MTBP: variants seen among roughly 807,000 people sequenced by gnomAD.
MTBP encodes MDM2 binding protein.
MTBP carries 101 observed loss-of-function variants against 117.0 expected under a neutral mutation model. The ratio of observed to expected loss-of-function variants is 0.86; its 90% CI spans 0.73 to 1.02. The LOEUF (loss-of-function observed/expected upper bound fraction) is 1.02. Among genes scored for constraint, MTBP ranks in the 50% least tolerant of loss-of-function variants. The pLI, the probability that MTBP is intolerant of heterozygous loss-of-function variation, is 0.00. For missense variants in MTBP, 970 were observed against 1,030.9 expected, an observed-to-expected ratio of 0.94 and a Z score of 0.81; for synonymous variants, 350 against 351.5, an observed-to-expected ratio of 1.00 and a Z score of 0.05.
intron 11 of MTBP, among the ~76,000 whole-genome samples, chr8:120,486,443 G>A (rs1392410973): frequency 6.6e-6 from 1 of 152,092 alleles, no homozygotes; most frequent in African/African-American, 2.4e-5. Flanking sequence ...CCCTGTGAAT[G>A]CGCTGAGGTG....
intron 10 of MTBP, among the ~76,000 whole-genome samples, chr8:120,464,194 A>G (rs934419037): frequency 6.6e-6 from 1 of 151,890 alleles, no homozygotes; most frequent in Non-Finnish European, 1.5e-5. Flanking sequence ...GGAGTTTTCA[A>G]TTTTTCTTTC....
intron 2 of MTBP, among the ~76,000 whole-genome samples, chr8:120,450,593 T>C (rs1021903918): frequency 3.9e-5 from 6 of 152,178 alleles, no homozygotes; most frequent in Non-Finnish European, 8.8e-5. Flanking sequence ...CCTCTGTCTC[T>C]AGTCAGGCTG....
chr8:120,468,429 T>TAAA (rs1239863556), intron 10 of MTBP, among the ~76,000 whole-genome samples: 1 of 152,038 alleles, frequency 6.6e-6, no homozygotes, highest in African/African-American at 2.4e-5. Flanking sequence ...TCCTGTAGTA[T>TAAA]AAAAATCCAT....
At chr8:120,517,070 G>C (rs1416063892) in intron 18 of MTBP, among the ~76,000 whole-genome samples, 1 of 151,924 alleles carries the variant, frequency 6.6e-6, no homozygotes, top group Non-Finnish European at 1.5e-5. Context: ...AAATATATGT[G>C]TTCCTAAAAG....
At chr8:120,493,990 G>A (rs1814402528) in intron 13 of MTBP, among the ~76,000 whole-genome samples, 1 of 152,122 alleles carries the variant, frequency 6.6e-6, no homozygotes, top group Non-Finnish European at 1.5e-5. Flanking sequence ...ATATATTACA[G>A]CTCTCATTTT....
chr8:120,495,202 A>G (rs1321094273), intron 13 of MTBP, among the ~76,000 whole-genome samples: 1 of 152,200 alleles, frequency 6.6e-6, no homozygotes, highest in African/African-American at 2.4e-5. Flanking sequence ...TTACTTCACT[A>G]ATAAAATTCT....
chr8:120,460,116 CA>C (rs933601948), intron 8 of MTBP, among the ~76,000 whole-genome samples: 35 of 151,986 alleles, frequency 2.3e-4, no homozygotes, highest in African/African-American at 8.0e-4. Flanking sequence ...AAGGGTGGTA[CA>C]AAAAGAGGGT....
chr8:120,451,017 G>A lies in MTBP; in HGVS notation c.214G>A (p.Gly72Ser). 1.9e-6 allele frequency: 3 copies of A among 1,611,372 alleles called. No homozygotes were observed. Among genetic ancestry groups the A allele is most frequent in the South Asian group, 1.1e-5 (1 of 90,428 alleles). The part of the protein sequence containing the change: ...DSTFPACSVG[G>S]IPGSKKWFFA... ...TTATTTTCAAGCCTGTTCAGTGGGA[G>A]GTATACCTGGTTCCAAGAAGTGGTT... Residue 72 changes from glycine (G) to serine (S), a missense_variant, in exon 3 of 22, where the codon GGT becomes AGT. Physicochemically the swap from Gly to Ser is moderately conservative, Grantham distance 56 (BLOSUM62 0). Coordinates refer to ENST00000305949, the MANE Select transcript of MTBP (RefSeq NM_022045.5).
intron 17 of MTBP, among the ~76,000 whole-genome samples, chr8:120,512,884 G>A (rs79115379): frequency 0.21 from 31,518 of 151,852 alleles, 3,431 homozygotes; most frequent in Middle Eastern, 0.27. Flanking sequence ...TAGAAACAAA[G>A]TCAAGTAACA....
chr8:120,462,200 T>C (rs1813595099), intron 9 of MTBP, among the ~76,000 whole-genome samples: 1 of 152,210 alleles, frequency 6.6e-6, no homozygotes, highest in Non-Finnish European at 1.5e-5. Flanking sequence ...AAGCCAGACA[T>C]AGCTTAATGA....
At chr8:120,501,608 CA>C (rs918850304) in intron 14 of MTBP, among the ~76,000 whole-genome samples, 1 of 151,178 alleles carries the variant, frequency 6.6e-6, no homozygotes, top group Non-Finnish European at 1.5e-5. Context: ...TCAGTCCTCT[CA>C]AAAATATAAA....
At chr8:120,505,645 TAGTTG>T (rs974941170) in intron 15 of MTBP, among the ~76,000 whole-genome samples, 3 of 152,160 alleles carry the variant, frequency 2.0e-5, no homozygotes, top group African/African-American at 4.8e-5. Context: ...AATCAGGAAA[TAGTTG>T]AGTTAATATG....
intron 11 of MTBP, among the ~76,000 whole-genome samples, chr8:120,486,318 G>T (rs543923291): frequency 6.6e-6 from 1 of 152,098 alleles, no homozygotes; most frequent in East Asian, 1.9e-4. Context: ...AGTGCTTAGG[G>T]CCTTCTGTTT....
intron 9 of MTBP, among the ~76,000 whole-genome samples, chr8:120,461,621 C>G (rs890960371): frequency 6.6e-6 from 1 of 152,184 alleles, no homozygotes; most frequent in Non-Finnish European, 1.5e-5. Flanking sequence ...GAGCACAGGA[C>G]TGATCTACTC....
At chr8:120,476,901 C>T (rs1328815656) in intron 11 of MTBP, among the ~76,000 whole-genome samples, 3 of 152,166 alleles carry the variant, frequency 2.0e-5, no homozygotes, top group East Asian at 1.9e-4. Context: ...AGAAAAACTA[C>T]TTTAAATTTC....
Position 120,453,830 on chromosome 8 carries a change from T to G in MTBP, c.426-17T>G, listed in dbSNP as rs1158738055. The G allele has an allele frequency of 6.8e-7, 1 of 1,461,914 alleles. No individual in the cohort carries two copies. Among genetic ancestry groups the G allele is most frequent in the Non-Finnish European group, 9.4e-7 (1 of 1,068,724 alleles). 90.6% of individuals were successfully genotyped at this position (1,461,914 alleles called of 1,614,324 possible). ...ATTTATGGGGTTTTCTTTCCCTAAC[T>G]TACCCTTTTATTTTAGTCTCTATGA... is the stretch of plus-strand genomic sequence containing the variant. On this transcript the variant is annotated splice_polypyrimidine_tract_variant and intron_variant, in intron 4 of 21. Transcript: ENST00000305949.
intron 5 of MTBP, 38 bp downstream of exon 5, chr8:120,453,943 A>C (rs754422074): frequency 1.7e-6 from 2 of 1,162,844 alleles, no homozygotes; most frequent in African/African-American, 1.5e-5. Context: ...TTTGTATCTT[A>C]TCTTATTACA....
At chr8:120,508,743 G>C (rs569623947) in intron 16 of MTBP, among the ~76,000 whole-genome samples, 2 of 152,070 alleles carry the variant, frequency 1.3e-5, no homozygotes, top group Non-Finnish European at 2.9e-5. Context: ...CAACTCTTCT[G>C]AACTCAAGCC....
intron 17 of MTBP, among the ~76,000 whole-genome samples, chr8:120,512,072 C>T (rs1814822675): frequency 6.6e-6 from 1 of 151,920 alleles, no homozygotes; most frequent in African/African-American, 2.4e-5. Context: ...ATTTTAGGAC[C>T]TGTTAATCTG....
Sources: gnomAD v4.1 joint callset for allele counts (sites outside exome capture counted in the v4.1 genomes callset) on GRCh38, gnomAD v4.1.1 for gene constraint, MANE v1.5 for transcripts, NCBI Gene and HGNC (gene_info 2026-07-23, HGNC 2026-07-21) for gene names.